The following GJD3 variants were observed in gnomAD, a reference collection of about 807,000 sequenced individuals.
The protein encoded by GJD3 is gap junction protein delta 3.
For missense variants in GJD3, 421 were observed against 448.5 expected (o/e 0.94, Z 0.55); for synonymous variants, 217 against 226.7 (o/e 0.96, Z 0.38).
Position 40,363,614 on chromosome 17 carries a change from G to T in GJD3, c.202C>A (p.Arg68Ser). ...QPGCRQTCYDRAFPVSHYRFW... is the reference protein window; with the variant it reads ...QPGCRQTCYDSAFPVSHYRFW... ...CGGTAGTGGGAGACCGGGAAGGCGC[G>T]GTCGTAGCAGGTCTGGCGACAGCCC... Residue 68 changes from arginine to serine, a missense_variant, in exon 1 of 1, where the codon CGC (arginine) becomes AGC (serine). Arg to Ser is a moderately radical substitution (Grantham distance 110). Transcript: ENST00000578689. This position sits in a 1 kb window ranked among gnomAD's most constrained non-coding sequence, Gnocchi z 5.5. 6.2e-7 allele frequency: 1 copy of T among 1,602,506 alleles called. No individual in the cohort carries two copies. The highest frequency in any genetic ancestry group is 1.7e-5 in the Admixed American group (1 of 58,504).
Position 40,363,151 on chromosome 17 carries a change from T to C in GJD3, c.665A>G (p.Glu222Gly). The C allele has an allele frequency of 7.1e-7, 1 of 1,414,562 alleles. No homozygotes were observed. Among genetic ancestry groups the C allele is most frequent in the South Asian group, 1.4e-5 (1 of 70,916 alleles). 87.6% of individuals were successfully genotyped at this position (1,414,562 alleles called of 1,614,324 possible). Reference protein sequence around the residue: ...LLWKGRPRAGERDNRCNRAHE... With the variant: ...LLWKGRPRAGGRDNRCNRAHE... ...TGCACGGTTGCAGCGGTTGTCACGC[T>C]CCCCGGCGCGCGGGCGGCCCTTCCA... The change falls in exon 1 of 1, where the codon GAG becomes GGG. Residue 222 changes from glutamate to glycine, a missense_variant. By Grantham distance (98) the Glu-to-Gly change is moderately conservative. Transcript: ENST00000578689. The surrounding 1 kb of genome is among the most constrained non-coding windows in gnomAD (Gnocchi z 5.5).
In GJD3 at chr17:40,363,379, G is replaced by A; in HGVS notation, c.437C>T (p.Ala146Val). 1 of 1,397,506 alleles carries A rather than the reference G, an allele frequency of 7.2e-7. No homozygotes were observed. The highest frequency in any genetic ancestry group is 1.5e-5 in the South Asian group (1 of 65,792). 86.6% of individuals were successfully genotyped at this position (1,397,506 alleles called of 1,614,324 possible). A position where few individuals can be genotyped will look rare whatever the true frequency, so the allele number is the denominator to read the frequency against. Residue 146 changes from alanine to valine, a missense_variant, in exon 1 of 1, where the codon GCC becomes GTC. Physicochemically the swap from Ala to Val is moderately conservative, Grantham distance 64 (BLOSUM62 0). Coordinates refer to ENST00000578689, the MANE Select transcript of GJD3 (RefSeq NM_152219.4). This position sits in a 1 kb window ranked among gnomAD's most constrained non-coding sequence, Gnocchi z 5.5. ...YLLSVALRLL[A>V]ELTFLGGQAL... ...CTGGCCGCCCAGGAAGGTCAGCTCGGCCAGCAGGCGCAGCGCCACGCTCAG... is the reference window on the plus strand; with the variant it reads ...CTGGCCGCCCAGGAAGGTCAGCTCGACCAGCAGGCGCAGCGCCACGCTCAG...
In GJD3 at chr17:40,363,461, C is replaced by G; in HGVS notation, c.355G>C (p.Glu119Gln). 1 of 1,488,628 alleles carries G rather than the reference C, an allele frequency of 6.7e-7. No individual in the cohort carries two copies. Among genetic ancestry groups the G allele is most frequent in the Non-Finnish European group, 8.9e-7 (1 of 1,122,860 alleles). 92.2% of individuals were successfully genotyped at this position (1,488,628 alleles called of 1,614,324 possible). Residue 119 changes from glutamate to glutamine, a missense_variant, in exon 1 of 1, where the codon GAG (glutamate) becomes CAG (glutamine). Transcript: ENST00000578689. This position sits in a 1 kb window ranked among gnomAD's most constrained non-coding sequence, Gnocchi z 5.5. Reference protein sequence around the residue: ...AAAQCAPGLPEAQCAPCALRA... With the variant: ...AAAQCAPGLPQAQCAPCALRA... Reference sequence around the variant, plus strand: ...AGGGCGCACGGCGCGCACTGGGCCTCGGGCAGTCCGGGGGCGCACTGCGCC... The same window carrying G: ...AGGGCGCACGGCGCGCACTGGGCCTGGGGCAGTCCGGGGGCGCACTGCGCC...
chr17:40,362,806 C>T lies in GJD3; in HGVS notation c.*125G>A. The T allele has an allele frequency of 9.4e-7, 1 of 1,069,454 alleles. No homozygotes were observed. The highest frequency in any genetic ancestry group is 5.7e-5 in the East Asian group (1 of 17,522). 66.2% of individuals were successfully genotyped at this position (1,069,454 alleles called of 1,614,324 possible). ...TGCCGCCCGCGGGCCGTCCCCACAA[C>T]GCGTCTCCTGCCGGGGCAGGTCCCG... is the stretch of plus-strand genomic sequence containing the variant. On this transcript the variant is annotated 3_prime_UTR_variant, in exon 1 of 1. Coordinates refer to ENST00000578689, the MANE Select transcript of GJD3 (RefSeq NM_152219.4).
chr17:40,363,649 G>GTGTTGCACAC lies in GJD3; in HGVS notation c.157_166dup (p.Thr56SerfsTer56). 2 of 1,607,370 alleles carry GTGTTGCACAC rather than the reference G, an allele frequency of 1.2e-6. No homozygotes were observed. Among genetic ancestry groups the GTGTTGCACAC allele is most frequent in the Middle Eastern group, 1.7e-4 (1 of 6,054 alleles). On this transcript the variant is annotated frameshift_variant, in exon 1 of 1. Transcript: ENST00000578689. LOFTEE classifies it low-confidence loss of function (END_TRUNC). The surrounding 1 kb of genome is among the most constrained non-coding windows in gnomAD (Gnocchi z 5.5). ...GGTCTGGCGACAGCCCGGCTGCAGCGTGTTGCACACGAACTCCTCTTGCTC... is the reference window on the plus strand; with the variant it reads ...GGTCTGGCGACAGCCCGGCTGCAGCGTGTTGCACACTGTTGCACACGAACTCCTCTTGCTC...
In GJD3 at chr17:40,363,559, G is replaced by T; in HGVS notation, c.257C>A (p.Ser86Ter). The change falls in exon 1 of 1, where the codon TCG becomes TAG. Residue 86 changes from serine to a stop codon, truncating the protein, a stop_gained. Coordinates refer to ENST00000578689, the MANE Select transcript of GJD3 (RefSeq NM_152219.4). LOFTEE classifies it low-confidence loss of function (END_TRUNC). The surrounding 1 kb of genome is among the most constrained non-coding windows in gnomAD (Gnocchi z 5.5). ...GACGACGAACAGCACCGGGGGCGCC[G>T]AGAGCAGCAGGATGTGGAAGAGCCA... ...RFWLFHILLL[S>*]APPVLFVVYS... 1 of 1,586,692 alleles carries T rather than the reference G, an allele frequency of 6.3e-7. No individual in the cohort carries two copies. The highest frequency in any genetic ancestry group is 2.3e-5 in the East Asian group (1 of 43,364).
Sources: gnomAD v4.1 joint callset for allele counts on GRCh38, gnomAD v4.1.1 for gene constraint, Gnocchi (gnomAD v3.1) non-coding constraint, MANE v1.5 for transcripts, NCBI Gene and HGNC (gene_info 2026-07-23, HGNC 2026-07-21) for gene names.